Variants in HIKESHI observed in about 807,000 individuals in gnomAD.
HIKESHI encodes the protein heat shock protein nuclear import factor hikeshi, also known as protein Hikeshi.
A neutral mutation model predicts 25.7 loss-of-function variants in HIKESHI; 13 were observed. The observed-to-expected ratio is 0.51, with a 90% confidence interval of 0.33 to 0.80. The LOEUF (loss-of-function observed/expected upper bound fraction) is 0.80. HIKESHI is among the 30% of genes least tolerant of loss of function. The pLI is 0.02. For missense variants in HIKESHI, 174 were observed against 229.5 expected (o/e 0.76, Z 1.56); for synonymous variants, 76 against 78.7 (o/e 0.97, Z 0.18).
At chr11:86,330,227 A>C (rs1291703357) in intron 2 of HIKESHI, among the ~76,000 whole-genome samples, 1 of 152,210 alleles carries the variant, frequency 6.6e-6, no homozygotes, top group Non-Finnish European at 1.5e-5. Flanking sequence ...TATATTTGAC[A>C]ACTATGAAAC....
intron 2 of HIKESHI, among the ~76,000 whole-genome samples, chr11:86,320,640 AT>A (rs1194555400): frequency 6.6e-6 from 1 of 152,328 alleles, no homozygotes; most frequent in East Asian, 1.9e-4. Flanking sequence ...TTGATGTATA[AT>A]TGACACACAG....
At chr11:86,317,127 G>T (rs1332983100) in intron 2 of HIKESHI, among the ~76,000 whole-genome samples, 2 of 152,020 alleles carry the variant, frequency 1.3e-5, no homozygotes, top group African/African-American at 2.4e-5. Context: ...GGAACCAAAA[G>T]AAAGCTTGCA....
chr11:86,314,321 A>G (rs773697744), intron 2 of HIKESHI, among the ~76,000 whole-genome samples: 5 of 152,152 alleles, frequency 3.3e-5, no homozygotes, highest in Non-Finnish European at 5.9e-5. Flanking sequence ...GTATTCTACA[A>G]GGAGAAATGG....
intron 2 of HIKESHI, among the ~76,000 whole-genome samples, chr11:86,311,214 A>G (rs1946825454): frequency 6.6e-6 from 1 of 152,072 alleles, no homozygotes; most frequent in Non-Finnish European, 1.5e-5. Context: ...TTGGTAGGCT[A>G]TTAATTATTG....
intron 2 of HIKESHI, among the ~76,000 whole-genome samples, chr11:86,325,215 G>C (rs1049996323): frequency 9.9e-5 from 15 of 152,014 alleles, no homozygotes; most frequent in African/African-American, 3.6e-4. Context: ...AATTTTGGCA[G>C]TGCTTATGAT....
At position 86,316,771 on chromosome 11, in the gene HIKESHI, C is replaced by CTTTTTTT. The variant is rs71040229; in HGVS notation, c.268+10323_268+10329dup. On this transcript the variant is annotated intron_variant, in intron 2 of 4. Transcript: ENST00000278483. ...TTATGAGTAATGAATCTGAAACATT[C>CTTTTTTT]TTTTTTTTTTTTTTTTTTTTTTTTT... Among the ~76,000 whole-genome samples the CTTTTTTT allele has an allele frequency of 2.9e-3, 197 of 68,762 alleles. 34 individuals carry two copies. The highest frequency in any genetic ancestry group is 3.5e-3 in the Non-Finnish European group (131 of 37,480). 45.1% of individuals were successfully genotyped at this position (68,762 alleles called of 152,430 possible). A position where few individuals can be genotyped will look rare whatever the true frequency, so the allele number is the denominator to read the frequency against.
chr11:86,307,381 C>CA (rs1275523573), intron 2 of HIKESHI, among the ~76,000 whole-genome samples: 1 of 67,856 alleles, frequency 1.5e-5, no homozygotes, highest in Admixed American at 2.0e-4. Context: ...CATTATATAT[C>CA]AATATATTAT....
In HIKESHI at chr11:86,311,669, TCTTTCCTG is replaced by T; in HGVS notation, c.268+5193_268+5200del. 2.6e-5 allele frequency among the ~76,000 whole-genome samples: 4 copies of T among 152,356 alleles called. No homozygotes were observed. In the South Asian group the frequency reaches 8.3e-4, roughly 32 times the overall value. Reference sequence around the variant, plus strand: ...GTGACGTTAGGGTGTCAATTGTAGATCTTTCCTGCTTTCTCTTGTGGGCATTTAGTGCT... The same window carrying T: ...GTGACGTTAGGGTGTCAATTGTAGATCTTTCTCTTGTGGGCATTTAGTGCT... On this transcript the variant is annotated intron_variant, in intron 2 of 4. Transcript: ENST00000278483.
chr11:86,342,723 A>ATTT (rs57183083), intron 3 of HIKESHI, among the ~76,000 whole-genome samples: 1,595 of 148,886 alleles, frequency 0.011, 12 homozygotes, highest in East Asian at 0.021. Context: ...AATTTGTCCC[A>ATTT]TTTTTTTTTT....
At chr11:86,344,892 C>A in intron 4 of HIKESHI, 171 bp downstream of exon 4, 1 of 514,246 alleles carries the variant, frequency 1.9e-6, no homozygotes, top group Non-Finnish European at 3.3e-6. Flanking sequence ...CAGTTCTTAC[C>A]CTAAATATTT....
chr11:86,316,771 C>CATTTTTTTTTTTTTTT (rs1946991829), intron 2 of HIKESHI, among the ~76,000 whole-genome samples: 1 of 68,778 alleles, frequency 1.5e-5, no homozygotes, highest in African/African-American at 6.3e-5. Flanking sequence ...CTGAAACATT[C>CATTTTTTTTTTTTTTT]TTTTTTTTTT....
intron 2 of HIKESHI, among the ~76,000 whole-genome samples, chr11:86,319,238 A>AGATTT (rs1947082651): frequency 1.2e-5 from 1 of 83,008 alleles, no homozygotes; most frequent in African/African-American, 5.2e-5. Flanking sequence ...ATATATATAT[A>AGATTT]TATATTTTTT....
chr11:86,312,253 G>C (rs777804364), intron 2 of HIKESHI, among the ~76,000 whole-genome samples: 32 of 152,276 alleles, frequency 2.1e-4, no homozygotes, highest in Middle Eastern at 3.4e-3. Context: ...CCTGTATTGG[G>C]TGCATATATA....
chr11:86,323,711 G>A (rs291218), intron 2 of HIKESHI, among the ~76,000 whole-genome samples: 31 of 151,998 alleles, frequency 2.0e-4, no homozygotes, highest in Non-Finnish European at 2.9e-5. Flanking sequence ...CTTGTGACAC[G>A]TAAGAGATTG....
rs563189861 is a variant in HIKESHI at position 86,325,070 on chromosome 11, T to TGGGGGG, written c.269-12306_269-12305insGGGGGG. ...GGTACGTGCCTATAGTCCCACTACT[T>TGGGGGG]GGGAGGCTGAAGTGGAAGGATCACT... On this transcript the variant is annotated intron_variant, in intron 2 of 4. Coordinates refer to ENST00000278483, the MANE Select transcript of HIKESHI (RefSeq NM_016401.4). Among the ~76,000 whole-genome samples, 51 of 151,800 alleles carry TGGGGGG rather than the reference T, an allele frequency of 3.4e-4. No individual in the cohort carries two copies. In the South Asian group the frequency reaches 9.8e-3, roughly 29 times the overall value.
Position 86,316,771 on chromosome 11 carries a change from C to CTTTTTTTTTTTTTT in HIKESHI, c.268+10316_268+10329dup, listed in dbSNP as rs71040229. The stretch of plus-strand genomic sequence containing the variant: ...TTATGAGTAATGAATCTGAAACATT[C>CTTTTTTTTTTTTTT]TTTTTTTTTTTTTTTTTTTTTTTTT... On this transcript the variant is annotated intron_variant, in intron 2 of 4. Transcript: ENST00000278483. 6.1e-4 allele frequency among the ~76,000 whole-genome samples: 42 copies of CTTTTTTTTTTTTTT among 68,784 alleles called. 6 individuals carry two copies. The highest frequency in any genetic ancestry group is 8.0e-4 in the Non-Finnish European group (30 of 37,486). The allele number at this position is 68,784 out of a possible 152,430, so 45.1% of individuals were successfully genotyped here. A position where few individuals can be genotyped will look rare whatever the true frequency, so the allele number is the denominator to read the frequency against.
At chr11:86,342,975 T>C (rs989552434) in intron 3 of HIKESHI, among the ~76,000 whole-genome samples, 13 of 152,338 alleles carry the variant, frequency 8.5e-5, no homozygotes, top group African/African-American at 2.9e-4. Flanking sequence ...AAGAACCTTG[T>C]TGGAATTTTG....
chr11:86,336,346 T>A (rs1358289748), intron 2 of HIKESHI, among the ~76,000 whole-genome samples: 1 of 152,084 alleles, frequency 6.6e-6, no homozygotes, highest in Admixed American at 6.6e-5. Flanking sequence ...TATGATGAGG[T>A]CTTTTAAATT....
intron 2 of HIKESHI, among the ~76,000 whole-genome samples, chr11:86,308,984 G>A (rs922721053): frequency 2.7e-5 from 4 of 149,970 alleles, no homozygotes; most frequent in African/African-American, 9.8e-5. Flanking sequence ...GGACATTTGG[G>A]TTAGTTCCAA....
Sources: gnomAD v4.1 joint callset for allele counts (sites outside exome capture counted in the v4.1 genomes callset) on GRCh38, gnomAD v4.1.1 for gene constraint, MANE v1.5 for transcripts, NCBI Gene and HGNC (gene_info 2026-07-23, HGNC 2026-07-21) for gene names.